The following CCDC68 variants were observed in gnomAD, a reference collection of about 807,000 sequenced individuals.
The protein encoded by CCDC68 is coiled-coil domain-containing protein 68.
In CCDC68, 45 loss-of-function variants were observed where a neutral mutation model predicts 47.1. That is an observed-to-expected ratio of 0.96 (90% CI 0.75 to 1.23). The LOEUF (loss-of-function observed/expected upper bound fraction) is 1.23, where lower values mean the gene tolerates loss of function less well. CCDC68 is among the 50% of genes most tolerant of loss of function. The probability of loss-of-function intolerance (pLI) is 0.00; values close to 1 mark genes in which losing one functional copy is unlikely to be tolerated. For missense variants in CCDC68, 353 were observed against 373.6 expected (o/e 0.94, Z 0.45); for synonymous variants, 131 against 129.5 (o/e 1.01, Z -0.08).
At chr18:54,916,134 C>T (rs2043947478) in intron 10 of CCDC68, among the ~76,000 whole-genome samples, 1 of 152,174 alleles carries the variant, frequency 6.6e-6, no homozygotes, top group Non-Finnish European at 1.5e-5. Flanking sequence ...CCAGCTATTA[C>T]TGGGCACTTG....
chr18:54,937,608 T>G (rs919815055), intron 5 of CCDC68: 1 of 157,664 alleles, frequency 6.3e-6, no homozygotes, highest in African/African-American at 2.4e-5. Flanking sequence ...TTGTGGATTG[T>G]GGTAAGAACA....
rs540773826 is a variant in CCDC68, at chr18:54,907,048, T to C, written c.950+738A>G. ...AAGATTCTTCCCTAGAGGGACTAGCTTGGGAAATTCAAAAGCTGCTAGAAG... is the reference window on the plus strand; with the variant it reads ...AAGATTCTTCCCTAGAGGGACTAGCCTGGGAAATTCAAAAGCTGCTAGAAG... On this transcript the variant is annotated intron_variant, in intron 11 of 11. Coordinates refer to ENST00000591504, the MANE Select transcript of CCDC68 (RefSeq NM_025214.3). Among the ~76,000 whole-genome samples the C allele has an allele frequency of 2.1e-3, 325 of 152,308 alleles. 2 individuals carry two copies. The highest frequency in any genetic ancestry group is 7.6e-3 in the African/African-American group (316 of 41,570).
At chr18:54,952,083 A>T (rs2044628545) in intron 1 of CCDC68, among the ~76,000 whole-genome samples, 1 of 152,244 alleles carries the variant, frequency 6.6e-6, no homozygotes, top group Non-Finnish European at 1.5e-5. Flanking sequence ...TGCTTGTAGG[A>T]CATGATTTGA....
chr18:54,937,158 G>A, intron 5 of CCDC68, 200 bp from the exon 6 acceptor site: 1 of 550,714 alleles, frequency 1.8e-6, no homozygotes, highest in Non-Finnish European at 3.2e-6. Context: ...AGGGGCTGTT[G>A]AACAGGCAGA....
At chr18:54,947,271 G>A (rs549181751) in intron 1 of CCDC68, among the ~76,000 whole-genome samples, 40 of 152,226 alleles carry the variant, frequency 2.6e-4, no homozygotes, top group Non-Finnish European at 5.3e-4. Flanking sequence ...GTGGCATCAC[G>A]CCAAGAGGAG....
At chr18:54,952,928 G>C (rs183646289) in intron 1 of CCDC68, among the ~76,000 whole-genome samples, 7 of 152,190 alleles carry the variant, frequency 4.6e-5, no homozygotes, top group African/African-American at 1.7e-4. Flanking sequence ...CACAAGAATC[G>C]CTTGAACCTG....
At chr18:54,949,193 G>A (rs1257001575) in intron 1 of CCDC68, among the ~76,000 whole-genome samples, 2 of 152,008 alleles carry the variant, frequency 1.3e-5, no homozygotes, top group Non-Finnish European at 1.5e-5. Flanking sequence ...ATGGGGTTTC[G>A]CCATGTTGGC....
At chr18:54,908,616 C>A (rs1347535267) in intron 10 of CCDC68, among the ~76,000 whole-genome samples, 1 of 152,180 alleles carries the variant, frequency 6.6e-6, no homozygotes, top group Non-Finnish European at 1.5e-5. Context: ...ATAATAATAA[C>A]GCCTTCTCCA....
At chr18:54,953,637 G>A (rs1232178413) in intron 1 of CCDC68, among the ~76,000 whole-genome samples, 2 of 98,258 alleles carry the variant, frequency 2.0e-5, no homozygotes, top group Non-Finnish European at 4.2e-5. Context: ...TCTAGCTCAC[G>A]CTACATGACT....
intron 4 of CCDC68, among the ~76,000 whole-genome samples, chr18:54,939,756 A>G (rs1048842203): frequency 3.3e-5 from 5 of 151,976 alleles, no homozygotes; most frequent in Admixed American, 2.0e-4. Flanking sequence ...CCCTCTCCTC[A>G]TTTGCCTTCA....
chr18:54,934,751 G>T, intron 7 of CCDC68, 69 bp downstream of exon 7: 2 of 1,093,268 alleles, frequency 1.8e-6, no homozygotes, highest in Non-Finnish European at 2.5e-6. Flanking sequence ...ATTTATTTTA[G>T]TATTATTTTA....
rs772824466 is a variant in CCDC68 at position 54,929,849 on chromosome 18, C to A, written c.601-967G>T. Among the ~76,000 whole-genome samples, 6 of 152,222 alleles carry A rather than the reference C, an allele frequency of 3.9e-5. No homozygotes were observed. The South Asian group carries it at 6.3e-4, about 16-fold the overall frequency. The stretch of plus-strand genomic sequence containing the variant: ...TGGCCGAGGTTTTAAACTCTCTGGG[C>A]CTTACCAATGTTAAGAAAAATTAAC... On this transcript the variant is annotated intron_variant, in intron 7 of 11. Transcript: ENST00000591504.
intron 1 of CCDC68, among the ~76,000 whole-genome samples, chr18:54,950,390 A>T (rs1377106833): frequency 6.6e-6 from 1 of 152,228 alleles, no homozygotes; most frequent in African/African-American, 2.4e-5. Context: ...CCTGTTCTGC[A>T]GCTACATTAC....
At chr18:54,951,133 C>T (rs1212463571) in intron 1 of CCDC68, among the ~76,000 whole-genome samples, 6 of 151,282 alleles carry the variant, frequency 4.0e-5, no homozygotes, top group Non-Finnish European at 8.8e-5. Flanking sequence ...TGGTCTCGAT[C>T]TCCTGACCTC....
Position 54,904,239 on chromosome 18 carries a change from T to C in CCDC68, c.*119A>G. The C allele has an allele frequency of 2.8e-6, 2 of 723,604 alleles. No homozygotes were observed. The highest frequency in any genetic ancestry group is 4.8e-6 in the Non-Finnish European group (2 of 413,574). 44.8% of individuals were successfully genotyped at this position (723,604 alleles called of 1,614,324 possible). A position where few individuals can be genotyped will look rare whatever the true frequency, so the allele number is the denominator to read the frequency against. On this transcript the variant is annotated 3_prime_UTR_variant, in exon 12 of 12. Transcript: ENST00000591504. ...TCATCTTCTTGCAAAGCCATTGGTA[T>C]GTAATAAGTTCCATTTAAATAATGG...
At position 54,938,096 on chromosome 18, in the gene CCDC68, T is replaced by C; in HGVS notation, c.206A>G (p.His69Arg). The C allele has an allele frequency of 6.2e-7, 1 of 1,607,304 alleles. No homozygotes were observed. Among genetic ancestry groups the C allele is most frequent in the Non-Finnish European group, 8.5e-7 (1 of 1,178,078 alleles). The change falls in exon 5 of 12, where the codon CAC becomes CGC. Residue 69 changes from histidine to arginine, a missense_variant and splice_region_variant. Physicochemically the swap from His to Arg is conservative, Grantham distance 29. Transcript: ENST00000591504. ...DSTNHKLDAK[H>R]CGNLQQGSDS... ...AGAGCCCTGTTGAAGGTTTCCACAG[T>C]GCTGAAACGGACAAATGAAAATCAT...
intron 8 of CCDC68, among the ~76,000 whole-genome samples, chr18:54,923,724 T>G (rs2044100271): frequency 6.6e-6 from 1 of 152,172 alleles, no homozygotes; most frequent in South Asian, 2.1e-4. Flanking sequence ...AGTCTTTTTT[T>G]TTTTTTAAAC....
rs1250538392 is a variant in CCDC68, at chr18:54,936,094, T to C, written c.471+739A>G. On this transcript the variant is annotated intron_variant, in intron 6 of 11. Coordinates refer to ENST00000591504, the MANE Select transcript of CCDC68 (RefSeq NM_025214.3). The stretch of plus-strand genomic sequence containing the variant: ...GCATCTAAATTTATATTTTAAAAAA[T>C]ATATAACTATATTATTTATATAGAT... Among the ~76,000 whole-genome samples the C allele has an allele frequency of 8.2e-5, 12 of 146,820 alleles. No individual in the cohort carries two copies. The East Asian group carries it at 2.2e-3, about 26-fold the overall frequency.
chr18:54,938,217 A>G (rs1275837163), intron 4 of CCDC68, 120 bp from the exon 5 acceptor site: 1 of 858,038 alleles, frequency 1.2e-6, no homozygotes, highest in Non-Finnish European at 1.6e-6. Flanking sequence ...ACAAACAAAC[A>G]TCTTTTGAAT....
Sources: allele counts gnomAD v4.1 joint callset (sites outside exome capture counted in the v4.1 genomes callset), GRCh38; gene constraint gnomAD v4.1.1; transcripts MANE v1.5; gene names NCBI Gene and HGNC (gene_info 2026-07-23, HGNC 2026-07-21).